The following CDK5R1 variants were observed in gnomAD, a reference collection of about 807,000 sequenced individuals.
CDK5R1 encodes cyclin dependent kinase 5 regulatory subunit 1, also known as cyclin-dependent kinase 5 activator 1.
CDK5R1 carries 1 observed loss-of-function variant against 19.0 expected under a neutral mutation model. That is an observed-to-expected ratio of 0.05 (90% CI 0.02 to 0.25). CDK5R1 has a LOEUF of 0.25. Ranked by LOEUF, CDK5R1 falls within the 10% of genes least tolerant of loss-of-function variation. The probability of loss-of-function intolerance (pLI) is 1.00; values close to 1 mark genes in which losing one functional copy is unlikely to be tolerated. For missense variants in CDK5R1, 314 were observed against 401.0 expected, an observed-to-expected ratio of 0.78 and a Z score of 1.85; for synonymous variants, 225 against 187.7, an observed-to-expected ratio of 1.20 and a Z score of -1.62.
chr17:32,487,681 G>T lies in CDK5R1; in HGVS notation c.61G>T (p.Ala21Ser), dbSNP rs536410899. ...GAAGGCCACGCTGTTTGAGGATGGC[G>T]CGGCCACCGTGGGCCACTATACGGC... The part of the protein sequence containing the change: ...YRKATLFEDG[A>S]ATVGHYTAVQ... The change falls in exon 2 of 2, where the codon GCG becomes TCG. Residue 21 changes from alanine (A) to serine (S), a missense_variant. Around this residue, in one of 3 missense-constraint regions of CDK5R1, gnomAD observed 197 missense variants for 230.2 expected, o/e 0.86. Transcript: ENST00000313401. This position sits in a 1 kb window ranked among gnomAD's most constrained non-coding sequence, Gnocchi z 7.9. 3.1e-6 allele frequency: 5 copies of T among 1,613,712 alleles called. No homozygotes were observed. The African/African-American group carries it at 4.0e-5, about 13-fold the overall frequency.
rs1300956964 is a variant in CDK5R1 at position 32,488,350 on chromosome 17, C to T, written c.730C>T (p.Pro244Ser). ...CTACATGGGCAACGAGATCTCCTAC[C>T]CGCTCAAGCCCTTCCTGGTGGAGAG... ...YSYMGNEISY[P>S]LKPFLVESCK... The change falls in exon 2 of 2, where the codon CCG becomes TCG. Residue 244 changes from proline to serine, a missense_variant. This residue lies in a region of CDK5R1 where 106 missense variants were observed against 132.1 expected (regional missense o/e 0.80). Coordinates refer to ENST00000313401, the MANE Select transcript of CDK5R1 (RefSeq NM_003885.3). 1 of 1,614,068 alleles carries T rather than the reference C, an allele frequency of 6.2e-7. No homozygotes were observed. Among genetic ancestry groups the T allele is most frequent in the Non-Finnish European group, 8.5e-7 (1 of 1,180,052 alleles).
In CDK5R1 at chr17:32,488,065, A is replaced by G; in HGVS notation, c.445A>G (p.Ser149Gly). Residue 149 changes from serine (S) to glycine (G), a missense_variant, in exon 2 of 2, where the codon AGT (serine) becomes GGT (glycine). Physicochemically the swap from Ser to Gly is moderately conservative, Grantham distance 56. This residue lies in a region of CDK5R1 where 197 missense variants were observed against 230.2 expected (regional missense o/e 0.86). Transcript: ENST00000313401. ...PKRVIVQASTSELLRCLGEFL... is the reference protein window; with the variant it reads ...PKRVIVQASTGELLRCLGEFL... ...ACGGGTCATCGTCCAGGCGTCCACC[A>G]GTGAGCTGCTTCGCTGCCTGGGTGA... 6.2e-7 allele frequency: 1 copy of G among 1,613,002 alleles called. No individual in the cohort carries two copies. Among genetic ancestry groups the G allele is most frequent in the South Asian group, 1.1e-5 (1 of 91,016 alleles).
At position 32,489,252 on chromosome 17, in the gene CDK5R1, A is replaced by G; in HGVS notation, c.*708A>G. On this transcript the variant is annotated 3_prime_UTR_variant, in exon 2 of 2. Transcript: ENST00000313401. ...GGCCGATGAGCTGGTTTGACTCATT[A>G]ATTTCTCTCAATTTGGGTCCCAGCT... The G allele has an allele frequency of 2.1e-6, 1 of 471,002 alleles. No homozygotes were observed. Among genetic ancestry groups the G allele is most frequent in the Non-Finnish European group, 4.4e-6 (1 of 227,038 alleles). 29.2% of individuals were successfully genotyped at this position (471,002 alleles called of 1,614,324 possible).
At position 32,488,079 on chromosome 17, in the gene CDK5R1, C is replaced by T. The variant is rs758566026; in HGVS notation, c.459C>T (p.Arg153=). ...IVQASTSELL[R]CLGEFLCRRC... ...AGGCGTCCACCAGTGAGCTGCTTCG[C>T]TGCCTGGGTGAGTTTCTCTGCCGCC... is the stretch of plus-strand genomic sequence containing the variant. Residue 153 remains arginine (R), a synonymous_variant, in exon 2 of 2, where the codon CGC becomes CGT. Coordinates refer to ENST00000313401, the MANE Select transcript of CDK5R1 (RefSeq NM_003885.3). The T allele has an allele frequency of 3.7e-6, 6 of 1,613,096 alleles. No individual in the cohort carries two copies. The South Asian group carries it at 5.5e-5, about 15-fold the overall frequency.
rs770695297 is a variant in CDK5R1 at position 32,487,798 on chromosome 17, G to A, written c.178G>A (p.Ala60Thr). ...LPWKRIVAVS[A>T]KKKNSKKVQP... ...TTGGAAGAGAATCGTGGCCGTGTCG[G>A]CCAAGAAGAAGAACTCCAAGAAGGT... The change falls in exon 2 of 2, where the codon GCC (alanine) becomes ACC (threonine). Residue 60 changes from alanine (A) to threonine (T), a missense_variant. Physicochemically the swap from Ala to Thr is moderately conservative, Grantham distance 58. Transcript: ENST00000313401. The surrounding 1 kb of genome is among the most constrained non-coding windows in gnomAD (Gnocchi z 7.9). The A allele has an allele frequency of 1.9e-6, 3 of 1,613,968 alleles. No individual in the cohort carries two copies. Among genetic ancestry groups the A allele is most frequent in the East Asian group, 4.5e-5 (2 of 44,864 alleles).
rs761025878 is a variant in CDK5R1 at position 32,488,016 on chromosome 17, C to T, written c.396C>T (p.Ala132=). ...CAGTCAAGAAAGCCCCTCACCCTGC[C>T]GTCACCTCCGCAGGGACGCCCAAAC... ...SSSVKKAPHP[A]VTSAGTPKRV... The change falls in exon 2 of 2, where the codon GCC becomes GCT. Residue 132 remains alanine (A), a synonymous_variant. Transcript: ENST00000313401. 1.6e-5 allele frequency: 26 copies of T among 1,613,086 alleles called. No homozygotes were observed. Among genetic ancestry groups the T allele is most frequent in the South Asian group, 1.2e-4 (11 of 91,032 alleles).
rs2150844975 is a variant in CDK5R1 at position 32,488,651 on chromosome 17, A to G, written c.*107A>G. ...GTCTAGCAAAGCCACCAAGGGCCTC[A>G]CCTTTCCCACAGTCTCTCCCTGGGG... On this transcript the variant is annotated 3_prime_UTR_variant, in exon 2 of 2. Transcript: ENST00000313401. The G allele has an allele frequency of 1.3e-6, 2 of 1,543,358 alleles. No homozygotes were observed. The highest frequency in any genetic ancestry group is 3.9e-5 in the Admixed American group (2 of 51,586).
Position 32,490,925 on chromosome 17 carries a change from T to TA in CDK5R1, c.*2384dup, listed in dbSNP as rs1908848987. The TA allele has an allele frequency of 6.0e-6, 1 of 167,232 alleles. No homozygotes were observed. The highest frequency in any genetic ancestry group is 1.9e-4 in the East Asian group (1 of 5,190). The allele number at this position is 167,232 out of a possible 1,614,324, so 10.4% of individuals were successfully genotyped here. A position where few individuals can be genotyped will look rare whatever the true frequency, so the allele number is the denominator to read the frequency against. ...TAGAACTTAGTTTTGTTCCAACAGT[T>TA]AAACTTGCAATGAAAAGAAAATGTG... On this transcript the variant is annotated 3_prime_UTR_variant, in exon 2 of 2. Coordinates refer to ENST00000313401, the MANE Select transcript of CDK5R1 (RefSeq NM_003885.3).
At position 32,488,864 on chromosome 17, in the gene CDK5R1, G is replaced by C. The variant is rs554794412; in HGVS notation, c.*320G>C. The C allele has an allele frequency of 2.7e-5, 11 of 413,170 alleles. No individual in the cohort carries two copies. The highest frequency in any genetic ancestry group is 2.1e-4 in the South Asian group (10 of 46,928). The allele number at this position is 413,170 out of a possible 1,614,324, so 25.6% of individuals were successfully genotyped here. On this transcript the variant is annotated 3_prime_UTR_variant, in exon 2 of 2. Coordinates refer to ENST00000313401, the MANE Select transcript of CDK5R1 (RefSeq NM_003885.3). ...TAGGCAAGGCTGCCGGCTGCACCCTGTATGGAGCTAGAGAGGGGCCTCTGG... is the reference window on the plus strand; with the variant it reads ...TAGGCAAGGCTGCCGGCTGCACCCTCTATGGAGCTAGAGAGGGGCCTCTGG...
chr17:32,488,729 C>A lies in CDK5R1; in HGVS notation c.*185C>A, dbSNP rs541410446. 2 of 1,142,166 alleles carry A rather than the reference C, an allele frequency of 1.8e-6. No homozygotes were observed. The highest frequency in any genetic ancestry group is 2.5e-6 in the Non-Finnish European group (2 of 800,302). 70.8% of individuals were successfully genotyped at this position (1,142,166 alleles called of 1,614,324 possible). A position where few individuals can be genotyped will look rare whatever the true frequency, so the allele number is the denominator to read the frequency against. ...GGCACTTTTGAACTCACGAGCCTTG[C>A]GCAAAACCCAGAAGATGTATTCAGA... On this transcript the variant is annotated 3_prime_UTR_variant, in exon 2 of 2. Coordinates refer to ENST00000313401, the MANE Select transcript of CDK5R1 (RefSeq NM_003885.3).
Position 32,489,230 on chromosome 17 carries a change from C to T in CDK5R1, c.*686C>T, listed in dbSNP as rs778154210. ...TCCCAGCCACGTTGGTGGTATTGGC[C>T]GATGAGCTGGTTTGACTCATTAATT... On this transcript the variant is annotated 3_prime_UTR_variant, in exon 2 of 2. Transcript: ENST00000313401. The T allele has an allele frequency of 2.0e-4, 93 of 471,114 alleles. No individual in the cohort carries two copies. The highest frequency in any genetic ancestry group is 1.6e-3 in the African/African-American group (81 of 50,196). The allele number at this position is 471,114 out of a possible 1,614,324, so 29.2% of individuals were successfully genotyped here.
rs780564906 is a variant in CDK5R1 at position 32,487,861 on chromosome 17, C to T, written c.241C>T (p.Leu81Phe). 3 of 1,614,072 alleles carry T rather than the reference C, an allele frequency of 1.9e-6. No individual in the cohort carries two copies. The highest frequency in any genetic ancestry group is 3.3e-5 in the Admixed American group (2 of 60,036). ...NSSYQNNITHLNNENLKKSLS... is the reference protein window; with the variant it reads ...NSSYQNNITHFNNENLKKSLS... ...CAGCTACCAGAACAACATCACGCAC[C>T]TCAACAATGAGAACCTGAAGAAGTC... is the stretch of plus-strand genomic sequence containing the variant. The change falls in exon 2 of 2, where the codon CTC becomes TTC. Residue 81 changes from leucine (L) to phenylalanine (F), a missense_variant. Leu to Phe is a conservative substitution (Grantham distance 22). Transcript: ENST00000313401. This position sits in a 1 kb window ranked among gnomAD's most constrained non-coding sequence, Gnocchi z 7.9.
rs1908736533 is a variant in CDK5R1, at chr17:32,487,964, C to T, written c.344C>T (p.Ser115Leu). The T allele has an allele frequency of 6.2e-7, 1 of 1,613,304 alleles. No homozygotes were observed. Among genetic ancestry groups the T allele is most frequent in the East Asian group, 2.2e-5 (1 of 44,878 alleles). ...QPPAPPASQL[S>L]GSQTGGSSSV... ...CCTGCACCCCCGGCCAGCCAGCTCT[C>T]GGGTTCCCAGACCGGGGGCTCCTCC... Residue 115 changes from serine to leucine, a missense_variant, in exon 2 of 2, where the codon TCG (serine) becomes TTG (leucine). Ser to Leu is a moderately radical substitution (Grantham distance 145). This residue lies in a region of CDK5R1 where 197 missense variants were observed against 230.2 expected (regional missense o/e 0.86). Coordinates refer to ENST00000313401, the MANE Select transcript of CDK5R1 (RefSeq NM_003885.3). The surrounding 1 kb of genome is among the most constrained non-coding windows in gnomAD (Gnocchi z 7.9).
In CDK5R1 at chr17:32,489,396, G is replaced by A. The variant is rs554464402; in HGVS notation, c.*852G>A. Reference sequence around the variant, plus strand: ...CTGCAGGTGCCCATTAGCAACGCCTGCCTTCTGGGCAAGGTGAGGGATGCC... The same window carrying A: ...CTGCAGGTGCCCATTAGCAACGCCTACCTTCTGGGCAAGGTGAGGGATGCC... On this transcript the variant is annotated 3_prime_UTR_variant, in exon 2 of 2. Coordinates refer to ENST00000313401, the MANE Select transcript of CDK5R1 (RefSeq NM_003885.3). 26 of 426,850 alleles carry A rather than the reference G, an allele frequency of 6.1e-5. No homozygotes were observed. Among genetic ancestry groups the A allele is most frequent in the African/African-American group, 4.9e-4 (24 of 49,150 alleles). The allele number at this position is 426,850 out of a possible 1,614,324, so 26.4% of individuals were successfully genotyped here.
Position 32,488,576 on chromosome 17 carries a change from C to A in CDK5R1, c.*32C>A. On this transcript the variant is annotated 3_prime_UTR_variant, in exon 2 of 2. Transcript: ENST00000313401. Reference sequence around the variant, plus strand: ...TAGCCTGCGTCATGGCTCAAGGATTCAATGCATTTTTAAGAATTTATTATT... The same window carrying A: ...TAGCCTGCGTCATGGCTCAAGGATTAAATGCATTTTTAAGAATTTATTATT... The A allele has an allele frequency of 6.2e-7, 1 of 1,613,738 alleles. No homozygotes were observed. Among genetic ancestry groups the A allele is most frequent in the South Asian group, 1.1e-5 (1 of 90,918 alleles).
chr17:32,487,422 G>C lies in CDK5R1; in HGVS notation c.-145-54G>C, dbSNP rs1370528218. On this transcript the variant is annotated intron_variant, in intron 1 of 1. Coordinates refer to ENST00000313401, the MANE Select transcript of CDK5R1 (RefSeq NM_003885.3). This position sits in a 1 kb window ranked among gnomAD's most constrained non-coding sequence, Gnocchi z 7.9. ...GCGCGGGGCGGAGGGGCGCAGGGGCGCAGGGGCGCGGCGCGGAGCCCAGCC... is the reference window on the plus strand; with the variant it reads ...GCGCGGGGCGGAGGGGCGCAGGGGCCCAGGGGCGCGGCGCGGAGCCCAGCC... 2.2e-6 allele frequency: 1 copy of C among 453,232 alleles called. No individual in the cohort carries two copies. Among genetic ancestry groups the C allele is most frequent in the Non-Finnish European group, 3.9e-6 (1 of 257,514 alleles). 28.1% of individuals were successfully genotyped at this position (453,232 alleles called of 1,614,324 possible).
rs1908716416 is a variant in CDK5R1, at chr17:32,487,557, A to T, written c.-64A>T. On this transcript the variant is annotated 5_prime_UTR_variant, in exon 2 of 2. Coordinates refer to ENST00000313401, the MANE Select transcript of CDK5R1 (RefSeq NM_003885.3). The surrounding 1 kb of genome is among the most constrained non-coding windows in gnomAD (Gnocchi z 7.9). ...CGCCGCAGGCTCGGTGAGCGGTTTT[A>T]TCCCTCCGGCCGGCAGGCTGGGCGC... The T allele has an allele frequency of 7.1e-7, 1 of 1,403,988 alleles. No individual in the cohort carries two copies. The highest frequency in any genetic ancestry group is 9.7e-7 in the Non-Finnish European group (1 of 1,026,754). The allele number at this position is 1,403,988 out of a possible 1,614,324, so 87.0% of individuals were successfully genotyped here.
chr17:32,488,513 A>T lies in CDK5R1; in HGVS notation c.893A>T (p.Lys298Met). The T allele has an allele frequency of 6.2e-7, 1 of 1,614,204 alleles. No individual in the cohort carries two copies. The highest frequency in any genetic ancestry group is 8.5e-7 in the Non-Finnish European group (1 of 1,180,030). ...DLKNESGQED[K>M]KRLLLGLDR ...AAGAACGAGAGCGGCCAGGAGGACA[A>T]GAAGCGGCTCCTCCTAGGCCTGGAT... Residue 298 changes from lysine to methionine, a missense_variant, in exon 2 of 2, where the codon AAG becomes ATG. Physicochemically the swap from Lys to Met is moderately conservative, Grantham distance 95 (BLOSUM62 -1). Coordinates refer to ENST00000313401, the MANE Select transcript of CDK5R1 (RefSeq NM_003885.3).
chr17:32,489,084 A>G lies in CDK5R1; in HGVS notation c.*540A>G, dbSNP rs562808932. On this transcript the variant is annotated 3_prime_UTR_variant, in exon 2 of 2. Coordinates refer to ENST00000313401, the MANE Select transcript of CDK5R1 (RefSeq NM_003885.3). ...AGGCGAAGCTGAGCGGGTCTAGTGGAAAGATTGTGTCTGGTCGTTTGACCA... is the reference window on the plus strand; with the variant it reads ...AGGCGAAGCTGAGCGGGTCTAGTGGGAAGATTGTGTCTGGTCGTTTGACCA... 1.4e-4 allele frequency: 67 copies of G among 466,494 alleles called. No individual in the cohort carries two copies. The highest frequency in any genetic ancestry group is 1.3e-3 in the African/African-American group (63 of 49,954). 28.9% of individuals were successfully genotyped at this position (466,494 alleles called of 1,614,324 possible).
Sources: allele counts gnomAD v4.1 joint callset, GRCh38; gene constraint gnomAD v4.1.1; regional missense constraint gnomAD v4.1.1; non-coding constraint Gnocchi (gnomAD v3.1); transcripts MANE v1.5; gene names NCBI Gene and HGNC (gene_info 2026-07-23, HGNC 2026-07-21).